Variants in COL4A3 observed in about 807,000 individuals in gnomAD.
COL4A3 encodes collagen type IV alpha 3 chain.
A neutral mutation model predicts 217.4 loss-of-function variants in COL4A3; 135 were observed. The observed-to-expected ratio is 0.62, with a 90% CI of 0.54 to 0.72. COL4A3 has a LOEUF of 0.72. Ranked by LOEUF, COL4A3 falls within the 30% of genes least tolerant of loss-of-function variation. The pLI is 0.00. For missense variants in COL4A3, 1,868 were observed against 2,119.9 expected (o/e 0.88, Z 2.33); for synonymous variants, 690 against 736.3 (o/e 0.94, Z 1.02).
At chr2:227,302,368 T>C (rs962802264) in intron 43 of COL4A3, among the ~76,000 whole-genome samples, 2 of 152,188 alleles carry the variant, frequency 1.3e-5, no homozygotes, top group African/African-American at 4.8e-5. Context: ...GCAGCAATTA[T>C]AAATACAGAT....
intron 1 of COL4A3, among the ~76,000 whole-genome samples, chr2:227,208,758 G>C (rs899140333): frequency 7.3e-6 from 1 of 136,570 alleles, no homozygotes; most frequent in Admixed American, 7.4e-5. Flanking sequence ...CCCATTAGGC[G>C]GTTGGTTACA....
intron 22 of COL4A3, among the ~76,000 whole-genome samples, 176 bp downstream of exon 22, chr2:227,266,685 T>C (rs2070913171): frequency 1.3e-5 from 2 of 152,202 alleles, no homozygotes; most frequent in South Asian, 2.1e-4. Flanking sequence ...TTGGCACCCA[T>C]GCAATAAATT....
At chr2:227,260,969 G>A in intron 19 of COL4A3, 113 bp from the exon 20 acceptor site, 1 of 865,376 alleles carries the variant, frequency 1.2e-6, no homozygotes, top group South Asian at 1.5e-5. Flanking sequence ...TAGGAAAAAA[G>A]TATGAAAACT....
At chr2:227,195,801 C>T (rs375768724) in intron 1 of COL4A3, among the ~76,000 whole-genome samples, 1 of 151,148 alleles carries the variant, frequency 6.6e-6, no homozygotes, top group African/African-American at 2.4e-5. Context: ...AATTATTGCC[C>T]TAAAGACCTT....
chr2:227,167,695 AATTAG>A (rs1374489821), intron 1 of COL4A3, among the ~76,000 whole-genome samples: 1 of 152,216 alleles, frequency 6.6e-6, no homozygotes, highest in East Asian at 1.9e-4. Context: ...CTTTCAGTTA[AATTAG>A]AAAACAAAAA....
At chr2:227,213,901 CAAAAAA>C (rs5839195) in intron 1 of COL4A3, among the ~76,000 whole-genome samples, 4 of 89,324 alleles carry the variant, frequency 4.5e-5, no homozygotes, top group Non-Finnish European at 4.2e-5. Flanking sequence ...AACTCTGTCT[CAAAAAA>C]AAAAAAAAAA....
Position 227,273,065 on chromosome 2 carries a change from T to C in COL4A3, c.1875T>C (p.Gly625=), listed in dbSNP as rs748004604. 156 of 1,613,924 alleles carry C rather than the reference T, an allele frequency of 9.7e-5. No homozygotes were observed. The highest frequency in any genetic ancestry group is 1.2e-4 in the Non-Finnish European group (144 of 1,180,014). Residue 625 remains glycine (G), a synonymous_variant, in exon 26 of 52, where the codon GGT becomes GGC. Coordinates refer to ENST00000396578, the MANE Select transcript of COL4A3 (RefSeq NM_000091.5). ...GCTACGGACCCCAAGGAGAACCTGGTCTCCAGGGCACGCAAGGAGTTCCTG... is the reference window on the plus strand; with the variant it reads ...GCTACGGACCCCAAGGAGAACCTGGCCTCCAGGGCACGCAAGGAGTTCCTG... ...PPGYGPQGEP[G]LQGTQGVPGA... is the part of the protein sequence containing the mutation.
chr2:227,239,233 A>T (rs1204825973), intron 2 of COL4A3, among the ~76,000 whole-genome samples: 1 of 113,014 alleles, frequency 8.8e-6, no homozygotes, highest in African/African-American at 3.0e-5. Flanking sequence ...CAACAATTAA[A>T]GATAATACAA....
chr2:227,308,871 A>G (rs761924448), intron 48 of COL4A3, 28 bp from the exon 49 acceptor site: 1 of 1,609,724 alleles, frequency 6.2e-7, no homozygotes, highest in Admixed American at 1.7e-5. Context: ...ACTTACTGAA[A>G]GTGATACTCA....
intron 42 of COL4A3, 31 bp from the exon 43 acceptor site, chr2:227,298,651 G>A (rs769037584): frequency 1.9e-6 from 3 of 1,612,764 alleles, no homozygotes; most frequent in South Asian, 1.1e-5. Flanking sequence ...CTCCCTGGCT[G>A]GCAATACTGA....
Position 227,282,569 on chromosome 2 carries a change from C to A in COL4A3, c.2656+37C>A, listed in dbSNP as rs974180977. On this transcript the variant is annotated intron_variant, in intron 32 of 51. Transcript: ENST00000396578. This position sits in a 1 kb window ranked among gnomAD's most constrained non-coding sequence, Gnocchi z 4.4. ...TGTGTTTCTATTTTTCTTCTTATTT[C>A]TTCTTCTTCTTAAGGTGGCTCTGTC... The A allele has an allele frequency of 2.5e-6, 4 of 1,576,322 alleles. No individual in the cohort carries two copies. The highest frequency in any genetic ancestry group is 3.5e-6 in the Non-Finnish European group (4 of 1,149,418).
chr2:227,218,015 CTATA>C (rs2067591260), intron 1 of COL4A3, among the ~76,000 whole-genome samples: 1 of 147,518 alleles, frequency 6.8e-6, no homozygotes, highest in Non-Finnish European at 1.5e-5. Context: ...CTCCATATAA[CTATA>C]TATAGTCACA....
At chr2:227,230,581 TA>T (rs1241333499) in intron 1 of COL4A3, among the ~76,000 whole-genome samples, 2 of 152,312 alleles carry the variant, frequency 1.3e-5, no homozygotes, top group East Asian at 3.9e-4. Context: ...TTATTACTAT[TA>T]AAGTAACCAT....
Position 227,305,123 on chromosome 2 carries a change from T to C in COL4A3, c.4252+40T>C, listed in dbSNP as rs538413606. 4.5e-6 allele frequency: 7 copies of C among 1,564,950 alleles called. No individual in the cohort carries two copies. In the South Asian group the frequency reaches 6.8e-5, roughly 15 times the overall value. On this transcript the variant is annotated intron_variant, in intron 47 of 51. Transcript: ENST00000396578. ...TGTTTCCTCACCGAAGAAGTGCTAT[T>C]TCGACATACAGAGAAGTCTTGTTCG...
At position 227,247,469 on chromosome 2, in the gene COL4A3, T is replaced by G. The variant is rs1001191884; in HGVS notation, c.442-89T>G. 2.5e-6 allele frequency: 3 copies of G among 1,209,780 alleles called. No individual in the cohort carries two copies. In the African/African-American group the frequency reaches 4.5e-5, roughly 18 times the overall value. The allele number at this position is 1,209,780 out of a possible 1,614,324, so 74.9% of individuals were successfully genotyped here. A position where few individuals can be genotyped will look rare whatever the true frequency, so the allele number is the denominator to read the frequency against. ...TGGGAGGTGTACAGTGGGGAGAGGA[T>G]ACACAATAGCAGAGAGGGCAGAGCA... is the stretch of plus-strand genomic sequence containing the variant. On this transcript the variant is annotated intron_variant, in intron 7 of 51. Coordinates refer to ENST00000396578, the MANE Select transcript of COL4A3 (RefSeq NM_000091.5).
rs1477049574 is a variant in COL4A3, at chr2:227,250,144, CT to C, written c.547-995del. Among the ~76,000 whole-genome samples, 11 of 152,080 alleles carry C rather than the reference CT, an allele frequency of 7.2e-5. No homozygotes were observed. Among genetic ancestry groups the C allele is most frequent in the African/African-American group, 2.7e-4 (11 of 41,418 alleles). ...CCTGGCCAACACGCTGAAACTCCAT[CT>C]CTACTAAAGACACAAAAATTAGCCA... On this transcript the variant is annotated intron_variant, in intron 9 of 51. Coordinates refer to ENST00000396578, the MANE Select transcript of COL4A3 (RefSeq NM_000091.5). The surrounding 1 kb of genome is among the most constrained non-coding windows in gnomAD (Gnocchi z 4.1).
intron 1 of COL4A3, among the ~76,000 whole-genome samples, chr2:227,202,721 C>T (rs527924236): frequency 5.6e-4 from 60 of 107,594 alleles, no homozygotes; most frequent in Non-Finnish European, 7.5e-4. Flanking sequence ...GGAGAAAGTG[C>T]GAGAATCCGT....
intron 37 of COL4A3, 78 bp from the exon 38 acceptor site, chr2:227,293,113 G>A (rs1349537468): frequency 6.3e-7 from 1 of 1,580,990 alleles, no homozygotes; most frequent in South Asian, 1.1e-5. Context: ...GAAAAAATTA[G>A]TGAATAAAGT....
rs1359850522 is a variant in COL4A3 at position 227,220,134 on chromosome 2, T to TTGTGTGTG, written c.88-17833_88-17832insGTGTGTGT. On this transcript the variant is annotated intron_variant, in intron 1 of 51. Coordinates refer to ENST00000396578, the MANE Select transcript of COL4A3 (RefSeq NM_000091.5). The stretch of plus-strand genomic sequence containing the variant: ...GAGCTTCTTGTTTAATAAGGCGGTT[T>TTGTGTGTG]TATGTGTGTGTGTGTGTGTGTGTGT... Among the ~76,000 whole-genome samples the TTGTGTGTG allele has an allele frequency of 8.1e-5, 8 of 98,376 alleles. No individual in the cohort carries two copies. In the East Asian group the frequency reaches 3.0e-3, roughly 36 times the overall value. The allele number at this position is 98,376 out of a possible 152,430, so 64.5% of individuals were successfully genotyped here.
Sources: gnomAD v4.1 joint callset for allele counts (sites outside exome capture counted in the v4.1 genomes callset) on GRCh38, gnomAD v4.1.1 for gene constraint, Gnocchi (gnomAD v3.1) non-coding constraint, MANE v1.5 for transcripts, NCBI Gene and HGNC (gene_info 2026-07-23, HGNC 2026-07-21) for gene names.